Variants in MSI2 observed in about 807,000 individuals in gnomAD.
MSI2 encodes the protein RNA-binding protein Musashi homolog 2.
MSI2 carries 17 observed loss-of-function variants against 45.6 expected under a neutral mutation model. That is an observed-to-expected ratio of 0.37 (90% CI 0.26 to 0.56). The LOEUF is 0.56. MSI2 is among the 20% of genes least tolerant of loss of function. The probability of loss-of-function intolerance (pLI) is 0.77; values close to 1 mark genes in which losing one functional copy is unlikely to be tolerated. For missense variants in MSI2, 293 were observed against 444.2 expected (o/e 0.66, Z 3.06); for synonymous variants, 156 against 158.2 (o/e 0.99, Z 0.11).
intron 5 of MSI2, among the ~76,000 whole-genome samples, chr17:57,282,623 T>G (rs1384699818): frequency 2.0e-5 from 3 of 152,084 alleles, no homozygotes; most frequent in Admixed American, 6.6e-5. Flanking sequence ...TCTGTTTTGT[T>G]AGGGGTAGGA....
chr17:57,394,886 G>A (rs995683210), intron 5 of MSI2, among the ~76,000 whole-genome samples: 3 of 152,238 alleles, frequency 2.0e-5, no homozygotes, highest in African/African-American at 7.2e-5. Context: ...ATAGATCTCT[G>A]TATTAGTTTT....
intron 6 of MSI2, among the ~76,000 whole-genome samples, chr17:57,518,900 C>T (rs747859524): frequency 1.3e-5 from 2 of 152,242 alleles, no homozygotes; most frequent in African/African-American, 4.8e-5. Flanking sequence ...TCAAGCCTGC[C>T]GGATCCAACT....
At position 57,299,961 on chromosome 17, in the gene MSI2, G is replaced by GA. The variant is rs1219669248; in HGVS notation, c.312+37772dup. 2.6e-5 allele frequency among the ~76,000 whole-genome samples: 4 copies of GA among 152,210 alleles called. No individual in the cohort carries two copies. In the South Asian group the frequency reaches 6.2e-4, roughly 24 times the overall value. ...ATTTCCTTGCTGCCTTGGGGACTGG[G>GA]AAACTAAGGCCTTCGGGGATGCAGG... On this transcript the variant is annotated intron_variant, in intron 5 of 13. Coordinates refer to ENST00000284073, the MANE Select transcript of MSI2 (RefSeq NM_138962.4).
At chr17:57,666,409 G>T (rs1422463207) in intron 11 of MSI2, among the ~76,000 whole-genome samples, 1 of 152,232 alleles carries the variant, frequency 6.6e-6, no homozygotes, top group Non-Finnish European at 1.5e-5. Flanking sequence ...CACAGTAGGG[G>T]CTCATAAGTA....
intron 7 of MSI2, among the ~76,000 whole-genome samples, chr17:57,570,499 G>A (rs2144305736): frequency 6.6e-6 from 1 of 152,238 alleles, no homozygotes; most frequent in East Asian, 1.9e-4. Context: ...ATGAGAACAG[G>A]GGTCTCTTCC....
rs1039554325 is a variant in MSI2 at position 57,661,473 on chromosome 17, A to T, written c.790+9312A>T. Among the ~76,000 whole-genome samples the T allele has an allele frequency of 3.9e-5, 6 of 152,170 alleles. No homozygotes were observed. In the South Asian group the frequency reaches 1.0e-3, roughly 26 times the overall value. On this transcript the variant is annotated intron_variant, in intron 11 of 13. Transcript: ENST00000284073. ...ATAGTCACAGGAGAGGGAGGTTCGT[A>T]TTCTTCATGCAAGTGGCGCTCAGTA...
chr17:57,472,069 G>A (rs1449187574), intron 6 of MSI2, among the ~76,000 whole-genome samples: 1 of 152,214 alleles, frequency 6.6e-6, no homozygotes, highest in Non-Finnish European at 1.5e-5. Context: ...TGACACAGGG[G>A]GCGAGGGTGA....
chr17:57,648,236 T>C (rs1910851373), intron 10 of MSI2, among the ~76,000 whole-genome samples: 1 of 151,342 alleles, frequency 6.6e-6, no homozygotes, highest in South Asian at 2.1e-4. Context: ...ACTCCTGACC[T>C]CAAGTTATCG....
At position 57,615,825 on chromosome 17, in the gene MSI2, G is replaced by C. The variant is rs1429660358; in HGVS notation, c.538-145G>C. On this transcript the variant is annotated intron_variant, in intron 8 of 13. Transcript: ENST00000284073. ...GCGTGTTTTCTTAAGTATTTATTTT[G>C]CAGGCCATTTACTCGGCATGGCTAT... 4 of 602,380 alleles carry C rather than the reference G, an allele frequency of 6.6e-6. No homozygotes were observed. In the East Asian group the frequency reaches 1.2e-4, roughly 18 times the overall value. The allele number at this position is 602,380 out of a possible 1,614,324, so 37.3% of individuals were successfully genotyped here.
chr17:57,534,789 G>A (rs1274801741), intron 7 of MSI2, among the ~76,000 whole-genome samples: 8 of 152,168 alleles, frequency 5.3e-5, no homozygotes, highest in Admixed American at 4.6e-4. Flanking sequence ...CCTTCCATAC[G>A]ATGATTTGTG....
chr17:57,345,557 G>A (rs921816133), intron 5 of MSI2, among the ~76,000 whole-genome samples: 1 of 152,160 alleles, frequency 6.6e-6, no homozygotes, highest in African/African-American at 2.4e-5. Flanking sequence ...CCAGCTGGAT[G>A]TGGTGGCTCT....
intron 7 of MSI2, among the ~76,000 whole-genome samples, chr17:57,577,667 A>G (rs1475425334): frequency 6.6e-6 from 1 of 152,210 alleles, no homozygotes; most frequent in African/African-American, 2.4e-5. Flanking sequence ...ATAAAGAGAA[A>G]GCTTTTCTTG....
At chr17:57,470,653 A>G (rs1197630949) in intron 6 of MSI2, among the ~76,000 whole-genome samples, 1 of 152,190 alleles carries the variant, frequency 6.6e-6, no homozygotes, top group African/African-American at 2.4e-5. Flanking sequence ...AGGGTAAAAG[A>G]ATAGTTGACT....
intron 5 of MSI2, among the ~76,000 whole-genome samples, chr17:57,373,164 C>T (rs891049468): frequency 1.8e-4 from 27 of 151,538 alleles, no homozygotes; most frequent in Admixed American, 2.6e-4. Context: ...GGCTGAGGCA[C>T]GCTTGAACCC....
intron 7 of MSI2, among the ~76,000 whole-genome samples, chr17:57,583,334 G>C (rs2088254196): frequency 6.6e-6 from 1 of 152,150 alleles, no homozygotes; most frequent in South Asian, 2.1e-4. Flanking sequence ...TTTTCCTTTA[G>C]TGGCTTATAA....
At chr17:57,437,378 C>A (rs2084708534) in intron 6 of MSI2, among the ~76,000 whole-genome samples, 1 of 152,128 alleles carries the variant, frequency 6.6e-6, no homozygotes. Flanking sequence ...TCTTTGATGC[C>A]AATAATGAAC....
At chr17:57,362,673 T>C (rs1245585586) in intron 5 of MSI2, among the ~76,000 whole-genome samples, 1 of 152,194 alleles carries the variant, frequency 6.6e-6, no homozygotes, top group Non-Finnish European at 1.5e-5. Flanking sequence ...ATTTATTCTT[T>C]ATGTCTGTGA....
At chr17:57,258,446 T>G (rs1907019227) in intron 4 of MSI2, 92 bp downstream of exon 4, 1 of 1,072,930 alleles carries the variant, frequency 9.3e-7, no homozygotes, top group Non-Finnish European at 1.5e-6. Flanking sequence ...CTTCTTTTGC[T>G]TCTGTGCTAG....
chr17:57,511,416 CAG>C (rs747451159), intron 6 of MSI2, among the ~76,000 whole-genome samples: 10 of 152,238 alleles, frequency 6.6e-5, no homozygotes, highest in Non-Finnish European at 1.3e-4. Flanking sequence ...CCCAGAGACA[CAG>C]AGAAGGTTCA....
Sources: allele counts gnomAD v4.1 joint callset (sites outside exome capture counted in the v4.1 genomes callset), GRCh38; gene constraint gnomAD v4.1.1; transcripts MANE v1.5; gene names NCBI Gene and HGNC (gene_info 2026-07-23, HGNC 2026-07-21).